Variants in SUGCT observed in about 807,000 individuals in gnomAD.
SUGCT encodes the protein succinyl-CoA:glutarate-CoA transferase.
Under a neutral mutation model 55.0 loss-of-function variants are expected in SUGCT, and 41 were observed. That is an observed-to-expected ratio of 0.74 (90% CI 0.58 to 0.97). SUGCT has a LOEUF of 0.97. Among genes scored for constraint, SUGCT ranks in the 50% least tolerant of loss-of-function variants. The probability of loss-of-function intolerance (pLI) is 0.00; values close to 1 mark genes in which losing one functional copy is unlikely to be tolerated. For missense variants in SUGCT, 568 were observed against 547.8 expected (o/e 1.04, Z -0.37); for synonymous variants, 187 against 200.4 (o/e 0.93, Z 0.56).
chr7:40,196,640 C>A (rs559593452), intron 6 of SUGCT, among the ~76,000 whole-genome samples: 2 of 152,004 alleles, frequency 1.3e-5, no homozygotes, highest in African/African-American at 2.4e-5. Context: ...TAGCTACTGG[C>A]GAAGAGGGTT....
At chr7:40,653,579 T>C (rs180729850) in intron 12 of SUGCT, among the ~76,000 whole-genome samples, 62 of 152,292 alleles carry the variant, frequency 4.1e-4, no homozygotes, top group African/African-American at 1.4e-3. Flanking sequence ...CTGACTTCAG[T>C]GACCCCATCT....
At chr7:40,639,675 A>ATTTT (rs370490950) in intron 12 of SUGCT, among the ~76,000 whole-genome samples, 2 of 140,284 alleles carry the variant, frequency 1.4e-5, no homozygotes, top group Non-Finnish European at 1.6e-5. Flanking sequence ...ATGCCGTCTA[A>ATTTT]TTTTTTTTTT....
At chr7:40,342,007 A>G (rs1034589336) in intron 9 of SUGCT, among the ~76,000 whole-genome samples, 1 of 152,240 alleles carries the variant, frequency 6.6e-6, no homozygotes, top group African/African-American at 2.4e-5. Flanking sequence ...GTGCCTGCAC[A>G]TGTGGTGCAG....
chr7:40,147,320 C>T (rs1016215691), intron 1 of SUGCT, among the ~76,000 whole-genome samples: 3 of 152,148 alleles, frequency 2.0e-5, no homozygotes, highest in Non-Finnish European at 4.4e-5. Flanking sequence ...GGTTCAACCC[C>T]CCCATCATGG....
At chr7:40,258,205 A>G (rs1446946832) in intron 7 of SUGCT, among the ~76,000 whole-genome samples, 1 of 152,088 alleles carries the variant, frequency 6.6e-6, no homozygotes, top group African/African-American at 2.4e-5. Context: ...TTTTCTTCTT[A>G]AGTTCATGTC....
At chr7:40,508,368 CTA>C (rs1234412740) in intron 12 of SUGCT, among the ~76,000 whole-genome samples, 1 of 152,172 alleles carries the variant, frequency 6.6e-6, no homozygotes, top group African/African-American at 2.4e-5. Flanking sequence ...GTCATTTTTG[CTA>C]TGTCTGCCTA....
chr7:40,237,492 G>A (rs1329979634), intron 6 of SUGCT, 143 bp from the exon 7 acceptor site: 3 of 650,582 alleles, frequency 4.6e-6, no homozygotes, highest in Admixed American at 2.5e-5. Flanking sequence ...AATTCTTACT[G>A]CCTTCTTCAA....
At chr7:40,210,456 A>G (rs1041143411) in intron 6 of SUGCT, among the ~76,000 whole-genome samples, 3 of 151,516 alleles carry the variant, frequency 2.0e-5, no homozygotes, top group African/African-American at 2.4e-5. Flanking sequence ...GTGCATATAT[A>G]TGTGTGTGTG....
At chr7:40,305,365 TTAAC>T (rs1365358914) in intron 8 of SUGCT, among the ~76,000 whole-genome samples, 2 of 152,222 alleles carry the variant, frequency 1.3e-5, no homozygotes, top group African/African-American at 4.8e-5. Flanking sequence ...ATTTTTGAGT[TTAAC>T]TAATAGTTAC....
In SUGCT at chr7:40,199,046, T is replaced by TG. The variant is rs200768030; in HGVS notation, c.484+3986_484+3987insG. 3.8e-3 allele frequency among the ~76,000 whole-genome samples: 562 copies of TG among 146,508 alleles called. 2 individuals are homozygous for TG. The highest frequency in any genetic ancestry group is 0.014 in the South Asian group (66 of 4,650). ...TAATCAGTGTGTCTGTGTGTGTGTG[T>TG]TTTTTTTTTAATAAGACTGATTACA... On this transcript the variant is annotated intron_variant, in intron 6 of 13. Transcript: ENST00000335693.
intron 8 of SUGCT, among the ~76,000 whole-genome samples, chr7:40,286,863 G>C (rs1397205941): frequency 6.6e-6 from 1 of 152,060 alleles, no homozygotes; most frequent in Non-Finnish European, 1.5e-5. Context: ...GGACTTTCTT[G>C]GCAGGACATT....
intron 9 of SUGCT, among the ~76,000 whole-genome samples, chr7:40,412,670 A>G (rs1008465438): frequency 4.6e-5 from 7 of 152,132 alleles, no homozygotes; most frequent in East Asian, 3.9e-4. Flanking sequence ...TTTTTCATCA[A>G]TCTTGCCTGG....
chr7:40,366,510 A>G (rs1007591890), intron 9 of SUGCT, among the ~76,000 whole-genome samples: 4 of 152,174 alleles, frequency 2.6e-5, no homozygotes, highest in African/African-American at 7.2e-5. Flanking sequence ...TTCTCAACCT[A>G]CTCATCTGAC....
intron 6 of SUGCT, among the ~76,000 whole-genome samples, chr7:40,235,805 A>G (rs1284456901): frequency 6.6e-6 from 1 of 152,166 alleles, no homozygotes; most frequent in Non-Finnish European, 1.5e-5. Flanking sequence ...TTGTGTTTCT[A>G]TTGTGATAAG....
intron 12 of SUGCT, among the ~76,000 whole-genome samples, chr7:40,694,688 A>G (rs904907445): frequency 6.6e-6 from 1 of 152,340 alleles, no homozygotes; most frequent in South Asian, 2.1e-4. Context: ...GGTTAAGTCA[A>G]TGAGAAAGAT....
At chr7:40,513,320 A>T (rs527329971) in intron 12 of SUGCT, among the ~76,000 whole-genome samples, 1 of 152,256 alleles carries the variant, frequency 6.6e-6, no homozygotes, top group East Asian at 1.9e-4. Context: ...TGTAAAAGCT[A>T]TACTGTGCTT....
At chr7:40,787,032 C>T (rs575123290) in intron 13 of SUGCT, among the ~76,000 whole-genome samples, 1 of 152,182 alleles carries the variant, frequency 6.6e-6, no homozygotes, top group Non-Finnish European at 1.5e-5. Flanking sequence ...TGTCTTGACT[C>T]TCAGTCCTCC....
chr7:40,964,185 GT>G, the SUGCT span, among the ~76,000 whole-genome samples: 1 of 152,140 alleles, frequency 6.6e-6, no homozygotes, highest in Non-Finnish European at 1.5e-5. Flanking sequence ...AGACAGATTT[GT>G]CTGGCTATGC....
Position 40,653,225 on chromosome 7 carries a change from G to A in SUGCT, c.1090-96209G>A, listed in dbSNP as rs571876012. ...TCCCCAGATCCTGGTCTAGCACCTG[G>A]CATATATTAAATGCATTTTAAAATG... On this transcript the variant is annotated intron_variant, in intron 12 of 13. Coordinates refer to ENST00000335693, the MANE Select transcript of SUGCT (RefSeq NM_001193313.2). Among the ~76,000 whole-genome samples, 163 of 152,188 alleles carry A rather than the reference G, an allele frequency of 1.1e-3. 1 individual carries two copies. The highest frequency in any genetic ancestry group is 3.8e-3 in the African/African-American group (156 of 41,516).
Sources: gnomAD v4.1 joint callset for allele counts (sites outside exome capture counted in the v4.1 genomes callset) on GRCh38, gnomAD v4.1.1 for gene constraint, MANE v1.5 for transcripts, NCBI Gene and HGNC (gene_info 2026-07-23, HGNC 2026-07-21) for gene names.